The following HAP1 variants were observed in gnomAD, a reference collection of about 807,000 sequenced individuals.
The protein encoded by HAP1 is huntingtin-associated protein 1.
HAP1 carries 59 observed loss-of-function variants against 60.3 expected under a neutral mutation model. That is an observed-to-expected ratio of 0.98 (90% confidence interval 0.79 to 1.22). The LOEUF is 1.22. HAP1 is among the 50% of genes most tolerant of loss of function. HAP1 has a pLI of 0.00. For missense variants in HAP1, 825 were observed against 785.3 expected, an observed-to-expected ratio of 1.05 and a Z score of -0.60; for synonymous variants, 346 against 330.6, an observed-to-expected ratio of 1.05 and a Z score of -0.50.
In HAP1 at chr17:41,732,397, G is replaced by C; in HGVS notation, c.550-3C>G. 1 of 1,612,078 alleles carries C rather than the reference G, an allele frequency of 6.2e-7. No homozygotes were observed. The highest frequency in any genetic ancestry group is 1.1e-5 in the South Asian group (1 of 90,902). ...CTCTCCCAGACAGGTGGGAGAAGCT[G>C]GGGGGGACACAGGGGTCAGAGAGAG... On this transcript the variant is annotated splice_region_variant and splice_polypyrimidine_tract_variant and intron_variant, in intron 2 of 10. Transcript: ENST00000347901.
rs782060581 is a variant in HAP1, at chr17:41,734,170, C to T, written c.465G>A (p.Glu155=). Residue 155 remains glutamate, a synonymous_variant, in exon 1 of 11, where the codon GAG becomes GAA. Transcript: ENST00000347901. ...PERAAFIREL[E]EALCPNLPPP... is the part of the protein sequence containing the mutation. ...GACCCCGGGGGCCCGATTTACCTTC[C>T]TCCAGCTCCCGAATAAAGGCGGCGC... The T allele has an allele frequency of 5.7e-6, 9 of 1,579,758 alleles. No homozygotes were observed. In the African/African-American group the frequency reaches 6.7e-5, roughly 12 times the overall value.
At chr17:41,733,039 T>TTGG (rs1491243243) in intron 1 of HAP1, among the ~76,000 whole-genome samples, 1 of 13,026 alleles carries the variant, frequency 7.7e-5, no homozygotes, top group Non-Finnish European at 2.0e-4. Context: ...TTTTTTTTGG[T>TTGG]TTTTTTTTTT....
chr17:41,718,057 G>A, downstream of HAP1: 1 of 459,964 alleles, frequency 2.2e-6, no homozygotes. Context: ...CAAGAGAAAA[G>A]CAAACAAGTT....
downstream of HAP1, among the ~76,000 whole-genome samples, chr17:41,720,565 T>C (rs1911159464): frequency 6.6e-6 from 1 of 152,152 alleles, no homozygotes; most frequent in Non-Finnish European, 1.5e-5. Context: ...TTTATGCAAA[T>C]AGGAGGGTAG....
chr17:41,718,131 A>G (rs1911055070), downstream of HAP1: 3 of 405,154 alleles, frequency 7.4e-6, no homozygotes, highest in African/African-American at 6.1e-5. Flanking sequence ...TCAGAGAGGT[A>G]GCTTAGAATT....
At chr17:41,733,878 A>C (rs1912471433) in intron 1 of HAP1, among the ~76,000 whole-genome samples, 1 of 150,924 alleles carries the variant, frequency 6.6e-6, no homozygotes, top group Non-Finnish European at 1.5e-5. Context: ...TAGACCCAGG[A>C]GAGGGGCGCT....
Position 41,734,522 on chromosome 17 carries a change from G to A in HAP1, c.113C>T (p.Ser38Phe). The change falls in exon 1 of 11, where the codon TCT (serine) becomes TTT (phenylalanine). Residue 38 changes from serine (S) to phenylalanine (F), a missense_variant. By Grantham distance (155) the Ser-to-Phe change is radical (BLOSUM62 -2). Transcript: ENST00000347901. ...SPSASPAPEP[S>F]AQPQARGTGQ... Reference sequence around the variant, plus strand: ...AGTGCCCCGTGCCTGCGGCTGCGCAGAGGGCTCCGGAGCGGGACTGGCTGA... The same window carrying A: ...AGTGCCCCGTGCCTGCGGCTGCGCAAAGGGCTCCGGAGCGGGACTGGCTGA... 2.5e-6 allele frequency: 4 copies of A among 1,611,722 alleles called. No individual in the cohort carries two copies. Among genetic ancestry groups the A allele is most frequent in the Non-Finnish European group, 3.4e-6 (4 of 1,179,670 alleles).
rs934987466 is a variant in HAP1 at position 41,731,528 on chromosome 17, T to C, written c.1034A>G (p.Glu345Gly). ...ASQLDTLEDE[E>G]QMLILECVEQ... ...CACACACTCCAGAATGAGCATCTGT[T>C]CCTCATCCTCAAGAGTGTCGAGTTG... The change falls in exon 6 of 11, where the codon GAA becomes GGA. Residue 345 changes from glutamate (E) to glycine (G), a missense_variant. Physicochemically the swap from Glu to Gly is moderately conservative, Grantham distance 98. Transcript: ENST00000347901. The C allele has an allele frequency of 6.2e-7, 1 of 1,613,058 alleles. No homozygotes were observed. The highest frequency in any genetic ancestry group is 1.3e-5 in the African/African-American group (1 of 74,904).
chr17:41,725,307 T>C (rs189790913), intron 10 of HAP1, among the ~76,000 whole-genome samples, 153 bp from the exon 11 acceptor site: 4,900 of 143,044 alleles, frequency 0.034, 170 homozygotes, highest in African/African-American at 0.094. Flanking sequence ...AGGCTTCAAA[T>C]ACCCAGCCCA....
chr17:41,724,984 A>C lies in HAP1; in HGVS notation c.1577T>G (p.Val526Gly), dbSNP rs1597735732. The C allele has an allele frequency of 6.2e-7, 1 of 1,610,038 alleles. No homozygotes were observed. Reference protein sequence around the residue: ...AAKKVPAEEGVMEEAELVSEE... With the variant: ...AAKKVPAEEGGMEEAELVSEE... ...TGACACCAGCTCTGCCTCTTCCATC[A>C]CCCCTTCCTCAGCCGGCACCTTCTT... The change falls in exon 11 of 11, where the codon GTG becomes GGG. Residue 526 changes from valine to glycine, a missense_variant. Transcript: ENST00000347901.
At chr17:41,733,038 GT>G (rs10679002) in intron 1 of HAP1, among the ~76,000 whole-genome samples, 16 of 107,212 alleles carry the variant, frequency 1.5e-4, no homozygotes, top group Admixed American at 3.6e-4. Flanking sequence ...GTTTTTTTTG[GT>G]TTTTTTTTTT....
chr17:41,727,178 C>A (rs782633188), intron 8 of HAP1, 34 bp from the exon 9 acceptor site: 1 of 1,086,370 alleles, frequency 9.2e-7, no homozygotes, highest in South Asian at 1.2e-5. Flanking sequence ...ACCAGAGGAC[C>A]CCCACAGAAC....
chr17:41,733,054 G>GT (rs71155166), intron 1 of HAP1, among the ~76,000 whole-genome samples: 24,140 of 98,596 alleles, frequency 0.24, 3,686 homozygotes, highest in Middle Eastern at 0.32. Context: ...TTTTTTTTTG[G>GT]TTTTTTTTTT....
At position 41,723,728 on chromosome 17, in the gene HAP1, C is replaced by G. The variant is rs1406561489; in HGVS notation, c.*973G>C. ...ATAACCTGCACAAGCTTACATGACA[C>G]GCCTGCTGAAGCCAGTGCTATTCCA... On this transcript the variant is annotated 3_prime_UTR_variant, in exon 11 of 11. Transcript: ENST00000347901. 1 of 152,404 alleles carries G rather than the reference C, an allele frequency of 6.6e-6. No homozygotes were observed. Among genetic ancestry groups the G allele is most frequent in the Non-Finnish European group, 1.5e-5 (1 of 68,086 alleles). The allele number at this position is 152,404 out of a possible 1,614,324, so 9.4% of individuals were successfully genotyped here.
chr17:41,724,714 G>A lies in HAP1; in HGVS notation c.1847C>T (p.Ser616Leu), dbSNP rs34381648. Residue 616 changes from serine to leucine, a missense_variant, in exon 11 of 11, where the codon TCG becomes TTG. Coordinates refer to ENST00000347901, the MANE Select transcript of HAP1 (RefSeq NM_177977.3). ...LPAASRTSCR[S>L]SCR The stretch of plus-strand genomic sequence containing the variant: ...CACCCTCTCTTTTCATCGGCACGAC[G>A]ATCTGCAGCTTGTCCGGCTGGCGGC... 3.6e-5 allele frequency: 57 copies of A among 1,592,286 alleles called. No individual in the cohort carries two copies. The highest frequency in any genetic ancestry group is 1.8e-4 in the Admixed American group (11 of 59,544).
chr17:41,727,271 A>G (rs376500658), intron 8 of HAP1, 127 bp from the exon 9 acceptor site: 13 of 783,948 alleles, frequency 1.7e-5, no homozygotes, highest in African/African-American at 1.4e-4. Flanking sequence ...GACGTAGGAA[A>G]GTGGGCAGCC....
Position 41,734,419 on chromosome 17 carries a change from C to G in HAP1, c.216G>C (p.Ser72=), listed in dbSNP as rs1912541892. Residue 72 remains serine (S), a synonymous_variant, in exon 1 of 11, where the codon TCG becomes TCC. Transcript: ENST00000347901. ...GGGCTCCTGCCTTGGCTCCAGCCTC[C>G]GAGGCCGGGCGAGCTCCGGTGCGGG... ...SEARTGARPA[S]EAGAKAGARR... 1 of 1,607,824 alleles carries G rather than the reference C, an allele frequency of 6.2e-7. No homozygotes were observed. The highest frequency in any genetic ancestry group is 8.5e-7 in the Non-Finnish European group (1 of 1,176,046).
chr17:41,725,797 G>T (rs1911579573), intron 10 of HAP1, 62 bp downstream of exon 10: 1 of 1,261,152 alleles, frequency 7.9e-7, no homozygotes, highest in South Asian at 1.2e-5. Flanking sequence ...ACCAGAGGCA[G>T]GTGGGCTGTC....
In HAP1 at chr17:41,725,857, A is replaced by AC; in HGVS notation, c.1406+1dup. 6.2e-7 allele frequency: 1 copy of AC among 1,611,986 alleles called. No homozygotes were observed. On this transcript the variant is annotated splice_donor_variant, in intron 10 of 10. Coordinates refer to ENST00000347901, the MANE Select transcript of HAP1 (RefSeq NM_177977.3). LOFTEE classifies it high-confidence loss of function. ...TTGTAGGGGAGCCCCTGGCAGGCTT[A>AC]CCTTAGGCTGGATGTGTCCCCTCTG...
Sources: gnomAD v4.1 joint callset for allele counts (sites outside exome capture counted in the v4.1 genomes callset) on GRCh38, gnomAD v4.1.1 for gene constraint, MANE v1.5 for transcripts, NCBI Gene and HGNC (gene_info 2026-07-23, HGNC 2026-07-21) for gene names.